Variants in TTN observed in about 807,000 individuals in gnomAD.
TTN encodes the protein connectin.
Under a neutral mutation model 3,223.0 loss-of-function variants are expected in TTN, and 1,525 were observed. The observed-to-expected ratio is 0.47, with a 90% CI of 0.45 to 0.49. The LOEUF (loss-of-function observed/expected upper bound fraction) is 0.49. Ranked by LOEUF, TTN falls within the 20% of genes least tolerant of loss-of-function variation. The probability of loss-of-function intolerance (pLI) is 0.00; values close to 1 mark genes in which losing one functional copy is unlikely to be tolerated. For missense variants in TTN, 40,786 were observed against 43,424.0 expected, an observed-to-expected ratio of 0.94 and a Z score of 5.40; for synonymous variants, 14,094 against 15,161.0, an observed-to-expected ratio of 0.93 and a Z score of 5.17.
chr2:178,667,371 A>G (rs1161339992), intron 161 of TTN, 52 bp from the exon 162 acceptor site: 2 of 1,569,812 alleles, frequency 1.3e-6, no homozygotes, highest in African/African-American at 2.7e-5. Flanking sequence ...ACAGTAAATT[A>G]TAAAAAGCAT....
rs746345160 is a variant in TTN at position 178,729,479 on chromosome 2, G to A, written c.18677C>T (p.Pro6226Leu). The change falls in exon 64 of 363, where the codon CCT becomes CTT. Residue 6226 changes from proline to leucine, a missense_variant. Pro to Leu is a moderately conservative substitution (Grantham distance 98). Coordinates refer to ENST00000589042, the MANE Select transcript of TTN (RefSeq NM_001267550.2). ...VELECEVTGT[P>L]PFEVTWLKNN... ...CTTCAGCCAAGTGACTTCAAACGGAGGTGTTCCCGTAACTTCACACTCCAG... is the reference window on the plus strand; with the variant it reads ...CTTCAGCCAAGTGACTTCAAACGGAAGTGTTCCCGTAACTTCACACTCCAG... The A allele has an allele frequency of 8.1e-6, 13 of 1,613,414 alleles. 1 individual carries two copies. The highest frequency in any genetic ancestry group is 3.3e-4 in the Middle Eastern group (2 of 6,074).
chr2:178,593,526 T>C (rs1398607967), intron 298 of TTN, 42 bp downstream of exon 298: 9 of 1,598,404 alleles, frequency 5.6e-6, no homozygotes, highest in Non-Finnish European at 7.7e-6. Context: ...TTATATTAGT[T>C]TTATCAAGCA....
At position 178,530,571 on chromosome 2, in the gene TTN, G is replaced by A. The variant is rs145560044; in HGVS notation, c.106044C>T (p.Asn35348=). The change falls in exon 358 of 363, where the codon AAC becomes AAT. Residue 35348 remains asparagine, a synonymous_variant. Transcript: ENST00000589042. ...ATTCTCCTTGATCAGATTCAGTGAG[G>A]TTATTGATTTTGAGCTCATAGGTAC... The part of the protein sequence containing the change: ...ADGTYELKIN[N]LTESDQGEYV... 1 of 1,614,000 alleles carries A rather than the reference G, an allele frequency of 6.2e-7. No individual in the cohort carries two copies. The highest frequency in any genetic ancestry group is 2.2e-5 in the East Asian group (1 of 44,880).
At chr2:178,726,500 T>G (rs543151751) in intron 69 of TTN, 1 of 153,270 alleles carries the variant, frequency 6.5e-6, no homozygotes, top group East Asian at 1.9e-4. Flanking sequence ...CTGCAATAAT[T>G]GTCTTAAAAC....
chr2:178,744,317 T>A, intron 47 of TTN: 1 of 921,490 alleles, frequency 1.1e-6, no homozygotes, highest in Non-Finnish European at 1.3e-6. Flanking sequence ...TAAATTGTAT[T>A]AAGAATAATT....
intron 113 of TTN, 107 bp from the exon 114 acceptor site, chr2:178,696,376 A>T: frequency 3.0e-6 from 3 of 985,818 alleles, no homozygotes; most frequent in Non-Finnish European, 4.2e-6. Context: ...GATCTATTTT[A>T]TTGATAATTT....
intron 47 of TTN, chr2:178,749,964 T>C (rs763507957): frequency 6.2e-7 from 1 of 1,613,256 alleles, no homozygotes; most frequent in Non-Finnish European, 8.5e-7. Context: ...AATACAAATC[T>C]GTGTTTTGGT....
chr2:178,572,018 A>T lies in TTN; in HGVS notation c.74114T>A (p.Val24705Glu), dbSNP rs751622854. 6.2e-7 allele frequency: 1 copy of T among 1,613,302 alleles called. No homozygotes were observed. The highest frequency in any genetic ancestry group is 2.2e-5 in the East Asian group (1 of 44,680). Reference sequence around the variant, plus strand: ...GACAAGATCTTTGGCGATCACTGGCACACTCAGTTGTCTAGGATCACTGAT... The same window carrying T: ...GACAAGATCTTTGGCGATCACTGGCTCACTCAGTTGTCTAGGATCACTGAT... ...KGISDPRQLS[V>E]PVIAKDLVIP... Residue 24705 changes from valine (V) to glutamate (E), a missense_variant, in exon 326 of 363, where the codon GTG (valine) becomes GAG (glutamate). Val to Glu is a moderately radical substitution (Grantham distance 121). Transcript: ENST00000589042.
intron 45 of TTN, 35 bp downstream of exon 45, chr2:178,757,507 G>A (rs912185269): frequency 9.9e-6 from 15 of 1,519,588 alleles, no homozygotes; most frequent in Non-Finnish European, 1.3e-5. Flanking sequence ...GAGGTATACA[G>A]CAAATCAAAG....
intron 47 of TTN, chr2:178,749,229 T>G: frequency 6.2e-7 from 1 of 1,611,710 alleles, no homozygotes; most frequent in Non-Finnish European, 8.5e-7. Context: ...TCTTTCTTAA[T>G]AGTGACATCA....
intron 45 of TTN, 122 bp downstream of exon 45, chr2:178,757,420 T>C (rs2087619274): frequency 3.2e-6 from 4 of 1,241,566 alleles, no homozygotes; most frequent in Middle Eastern, 3.0e-4. Context: ...CATGTTATTT[T>C]ATTAGTAAGT....
chr2:178,786,307 A>G (rs572221142), intron 13 of TTN, among the ~76,000 whole-genome samples, 166 bp from the exon 14 acceptor site: 13 of 152,342 alleles, frequency 8.5e-5, no homozygotes, highest in African/African-American at 3.1e-4. Flanking sequence ...TGATTATTAT[A>G]TTGTACAGAC....
intron 5 of TTN, 39 bp from the exon 6 acceptor site, chr2:178,799,770 T>C: frequency 6.2e-7 from 1 of 1,614,172 alleles, no homozygotes; most frequent in Non-Finnish European, 8.5e-7. Flanking sequence ...TGAGGAGGAA[T>C]AGCTGGGGAC....
chr2:178,580,580 A>G lies in TTN; in HGVS notation c.66799T>C (p.Leu22267=). The G allele has an allele frequency of 6.2e-7, 1 of 1,611,370 alleles. No individual in the cohort carries two copies. Residue 22267 remains leucine (L), a synonymous_variant, in exon 317 of 363, where the codon TTA becomes CTA. Transcript: ENST00000589042. The part of the protein sequence containing the change: ...IPPEGELDAD[L]RKTLILRAGV... ...GCACGTAATATGAGTGTCTTCCTTA[A>G]GTCCGCATCAAGTTCTCCCTCAGGT... is the stretch of plus-strand genomic sequence containing the variant.
Position 178,718,967 on chromosome 2 carries a change from G to C in TTN, c.24233C>G (p.Pro8078Arg), listed in dbSNP as rs1419971092. The C allele has an allele frequency of 6.2e-7, 1 of 1,602,016 alleles. No individual in the cohort carries two copies. The highest frequency in any genetic ancestry group is 2.2e-5 in the East Asian group (1 of 44,496). The change falls in exon 84 of 363, where the codon CCA becomes CGA. Residue 8078 changes from proline to arginine, a missense_variant. By Grantham distance (103) the Pro-to-Arg change is moderately radical. Transcript: ENST00000589042. ...CSAVLTVQEP[P>R]SFEQTPDSVE... ...AGAATCAGGGGTTTGTTCAAAAGAT[G>C]GTGGTTCTAGATATTGCAAGGCGGA...
Position 178,756,362 on chromosome 2 carries a change from CT to C in TTN, c.11113del (p.Arg3705AspfsTer2), listed in dbSNP as rs746386040. On this transcript the variant is annotated frameshift_variant, in exon 46 of 363. Transcript: ENST00000589042. LOFTEE classifies it high-confidence loss of function. The part of the protein sequence containing the change: ...HEGAKIEESE[R>X]LKQSQNGNIQ... ...ATTTCCATTTTGTGATTGTTTCAGTCTCTCGGATTCCTCTATCTTTGCACCT... is the reference window on the plus strand; with the variant it reads ...ATTTCCATTTTGTGATTGTTTCAGTCCTCGGATTCCTCTATCTTTGCACCT... The C allele has an allele frequency of 1.4e-5, 22 of 1,613,766 alleles. No homozygotes were observed. The African/African-American group carries it at 2.9e-4, about 22-fold the overall frequency.
At position 178,728,124 on chromosome 2, in the gene TTN, A is replaced by G. The variant is rs1355956536; in HGVS notation, c.19700T>C (p.Ile6567Thr). Residue 6567 changes from isoleucine (I) to threonine (T), a missense_variant, in exon 67 of 363, where the codon ATC (isoleucine) becomes ACC (threonine). Transcript: ENST00000589042. Reference protein sequence around the residue: ...NVAGDDACSGILTVKEPPSFL... With the variant: ...NVAGDDACSGTLTVKEPPSFL... ...GAAATTCTAACCTTTCACAGTTAAG[A>G]TGCCACTGCATGCATCATCTCCTGC... 4 of 1,578,204 alleles carry G rather than the reference A, an allele frequency of 2.5e-6. No homozygotes were observed. Among genetic ancestry groups the G allele is most frequent in the Middle Eastern group, 3.4e-4 (2 of 5,846 alleles).
chr2:178,729,082 G>A lies in TTN; in HGVS notation c.18956C>T (p.Pro6319Leu), dbSNP rs2079901596. ...CTTTAGCCAGGTTATAGAAATAGGA[G>A]GAGAACCTGCCACGGTACTCTGAAA... ...ATFQSTVAGS[P>L]PISITWLKDD... Residue 6319 changes from proline to leucine, a missense_variant, in exon 65 of 363, where the codon CCT becomes CTT. Physicochemically the swap from Pro to Leu is moderately conservative, Grantham distance 98. Transcript: ENST00000589042. The A allele has an allele frequency of 6.2e-7, 1 of 1,612,360 alleles. No homozygotes were observed.
In TTN at chr2:178,733,026, G is replaced by C; in HGVS notation, c.16150C>G (p.Leu5384Val). The change falls in exon 55 of 363, where the codon CTC becomes GTC. Residue 5384 changes from leucine (L) to valine (V), a missense_variant. Leu to Val is a conservative substitution (Grantham distance 32). Transcript: ENST00000589042. The part of the protein sequence containing the change: ...CRLDCKIAGS[L>V]PMRVSWFKDG... ...TTAAACCAGGACACCCTCATGGGGAGGGAGCCTGCAATTTTGCAGTCCAGT... is the reference window on the plus strand; with the variant it reads ...TTAAACCAGGACACCCTCATGGGGACGGAGCCTGCAATTTTGCAGTCCAGT... 1 of 1,613,488 alleles carries C rather than the reference G, an allele frequency of 6.2e-7. No homozygotes were observed. The highest frequency in any genetic ancestry group is 8.5e-7 in the Non-Finnish European group (1 of 1,179,684).
Sources: gnomAD v4.1 joint callset for allele counts (sites outside exome capture counted in the v4.1 genomes callset) on GRCh38, gnomAD v4.1.1 for gene constraint, MANE v1.5 for transcripts, NCBI Gene and HGNC (gene_info 2026-07-23, HGNC 2026-07-21) for gene names.